Variants in ULK4 observed in about 807,000 individuals in gnomAD.
ULK4 encodes unc-51 like kinase 4.
In ULK4, 133 loss-of-function variants were observed where a neutral mutation model predicts 160.6. That is an observed-to-expected ratio of 0.83 (90% CI 0.72 to 0.96). The LOEUF (loss-of-function observed/expected upper bound fraction) is 0.96. Among genes scored for constraint, ULK4 ranks in the 40% least tolerant of loss-of-function variants. The pLI, the probability that ULK4 is intolerant of heterozygous loss-of-function variation, is 0.00. For missense variants in ULK4, 1,580 were observed against 1,499.5 expected, an observed-to-expected ratio of 1.05 and a Z score of -0.89; for synonymous variants, 534 against 539.8, an observed-to-expected ratio of 0.99 and a Z score of 0.15.
intron 32 of ULK4, among the ~76,000 whole-genome samples, chr3:41,544,097 T>C (rs145935364): frequency 6.6e-6 from 1 of 152,212 alleles, no homozygotes; most frequent in African/African-American, 2.4e-5. Flanking sequence ...CTTTTTGACA[T>C]GCTTTGTGAT....
intron 32 of ULK4, among the ~76,000 whole-genome samples, chr3:41,489,868 G>A (rs2084685149): frequency 6.6e-6 from 1 of 152,028 alleles, no homozygotes; most frequent in South Asian, 2.1e-4. Flanking sequence ...TACACACAGG[G>A]TATGACTAGG....
chr3:41,771,714 C>T (rs75502313), intron 21 of ULK4, among the ~76,000 whole-genome samples: 198 of 152,244 alleles, frequency 1.3e-3, no homozygotes, highest in African/African-American at 4.6e-3. Flanking sequence ...ACGACTGAAA[C>T]TTCCCCAGAG....
At chr3:41,452,396 G>A (rs1281247217) in intron 34 of ULK4, among the ~76,000 whole-genome samples, 1 of 152,194 alleles carries the variant, frequency 6.6e-6, no homozygotes, top group African/African-American at 2.4e-5. Context: ...TCCTCCAGGA[G>A]AGGAGATGGG....
At chr3:41,858,236 C>T (rs2042415939) in intron 17 of ULK4, among the ~76,000 whole-genome samples, 1 of 146,984 alleles carries the variant, frequency 6.8e-6, no homozygotes, top group East Asian at 2.0e-4. Context: ...CTGCAAGCCT[C>T]CACCACCCAG....
intron 34 of ULK4, among the ~76,000 whole-genome samples, chr3:41,423,310 G>A (rs541849056): frequency 9.9e-5 from 15 of 152,152 alleles, no homozygotes; most frequent in African/African-American, 2.9e-4. Context: ...CTTATGGTAC[G>A]TTTTCTAATT....
intron 27 of ULK4, chr3:41,687,979 C>T (rs951377937): frequency 2.0e-5 from 3 of 152,186 alleles, no homozygotes; most frequent in African/African-American, 4.8e-5. Context: ...GGGAGGTGGA[C>T]GCAAACATGA....
chr3:41,305,919 C>G (rs1165786233), intron 35 of ULK4, among the ~76,000 whole-genome samples: 1 of 149,668 alleles, frequency 6.7e-6, no homozygotes, highest in Non-Finnish European at 1.5e-5. Context: ...GCGACCCCGT[C>G]TGGGAGGTGA....
chr3:41,261,181 A>G lies in ULK4; in HGVS notation c.3679-11607T>C, dbSNP rs60911558. 2.5e-3 allele frequency among the ~76,000 whole-genome samples: 357 copies of G among 145,248 alleles called. 2 individuals are homozygous for G. Among genetic ancestry groups the G allele is most frequent in the East Asian group, 0.02 (100 of 5,022 alleles). On this transcript the variant is annotated intron_variant, in intron 35 of 36. Transcript: ENST00000301831. Reference sequence around the variant, plus strand: ...GATTCACTTTTACCTATAGGATTAAATAAGTAAAAAGCCTTGGAGTAAAAC... The same window carrying G: ...GATTCACTTTTACCTATAGGATTAAGTAAGTAAAAAGCCTTGGAGTAAAAC...
chr3:41,572,721 G>A (rs562128033), intron 31 of ULK4, among the ~76,000 whole-genome samples: 4 of 148,958 alleles, frequency 2.7e-5, no homozygotes, highest in Admixed American at 6.7e-5. Context: ...GGCCGAGATC[G>A]CGCCACTGCA....
rs563543377 is a variant in ULK4 at position 41,431,547 on chromosome 3, C to CATTTTTTTTTTTTTTTTTTTTTTTT, written c.3492+23949_3492+23950insAAAAAAAAAAAAAAAAAAAAAAAAT. Among the ~76,000 whole-genome samples the CATTTTTTTTTTTTTTTTTTTTTTTT allele has an allele frequency of 1.8e-4, 17 of 95,868 alleles. 2 individuals carry two copies. The highest frequency in any genetic ancestry group is 7.2e-4 in the African/African-American group (17 of 23,688). The allele number at this position is 95,868 out of a possible 152,430, so 62.9% of individuals were successfully genotyped here. On this transcript the variant is annotated intron_variant, in intron 34 of 36. Transcript: ENST00000301831. ...CCTGTGAGGTGTTGTAATTCCCTCC[C>CATTTTTTTTTTTTTTTTTTTTTTTT]TTTTTTTTTTTTTTTGATGTGGAAA...
At chr3:41,808,056 G>T (rs2040703926) in intron 19 of ULK4, among the ~76,000 whole-genome samples, 1 of 152,096 alleles carries the variant, frequency 6.6e-6, no homozygotes, top group African/African-American at 2.4e-5. Context: ...ACCCTACTTG[G>T]AGACCGCTGC....
intron 30 of ULK4, among the ~76,000 whole-genome samples, chr3:41,646,835 A>C (rs1463947452): frequency 6.6e-6 from 1 of 152,208 alleles, no homozygotes; most frequent in East Asian, 1.9e-4. Flanking sequence ...TACACCAATC[A>C]GATACAGATT....
chr3:41,839,314 T>C (rs2041845811), intron 17 of ULK4, among the ~76,000 whole-genome samples: 1 of 151,690 alleles, frequency 6.6e-6, no homozygotes, highest in Admixed American at 6.6e-5. Context: ...CACTCCAGCC[T>C]GGGCAACAGA....
At chr3:41,503,455 A>G (rs780162116) in intron 32 of ULK4, among the ~76,000 whole-genome samples, 4 of 152,150 alleles carry the variant, frequency 2.6e-5, no homozygotes, top group Non-Finnish European at 5.9e-5. Context: ...GATGTGTAAG[A>G]CACTTCACAT....
Position 41,862,406 on chromosome 3 carries a change from T to C in ULK4, c.1656+21468A>G, listed in dbSNP as rs1206717877. On this transcript the variant is annotated intron_variant, in intron 17 of 36. Coordinates refer to ENST00000301831, the MANE Select transcript of ULK4 (RefSeq NM_017886.4). The stretch of plus-strand genomic sequence containing the variant: ...CCAGGATTGGTCCCTCGTGCCTTAT[T>C]TATAAAGTTCATTGGTGAGGTCATG... Among the ~76,000 whole-genome samples the C allele has an allele frequency of 2.0e-5, 3 of 152,192 alleles. No homozygotes were observed. The East Asian group carries it at 5.8e-4, about 29-fold the overall frequency.
intron 20 of ULK4, among the ~76,000 whole-genome samples, chr3:41,795,151 T>C (rs2040266316): frequency 2.0e-5 from 3 of 152,204 alleles, no homozygotes. Context: ...GAGGAGGCAA[T>C]TGTCATTCCT....
At chr3:41,755,312 T>C (rs2038763538) in intron 21 of ULK4, among the ~76,000 whole-genome samples, 1 of 152,138 alleles carries the variant, frequency 6.6e-6, no homozygotes, top group Non-Finnish European at 1.5e-5. Context: ...CTCCAGTCCT[T>C]TTCTATTTGG....
At chr3:41,438,278 T>C (rs1044025283) in intron 34 of ULK4, among the ~76,000 whole-genome samples, 3 of 152,220 alleles carry the variant, frequency 2.0e-5, no homozygotes, top group Admixed American at 1.3e-4. Context: ...TCAGACCATA[T>C]AACTTTTTTT....
At chr3:41,721,483 TCAGCCTC>T (rs1364772524) in intron 22 of ULK4, among the ~76,000 whole-genome samples, 1 of 149,314 alleles carries the variant, frequency 6.7e-6, no homozygotes, top group Non-Finnish European at 1.5e-5. Flanking sequence ...TTCTCCTGCC[TCAGCCTC>T]CAGGGAAGCT....
Sources: gnomAD v4.1 joint callset for allele counts (sites outside exome capture counted in the v4.1 genomes callset) on GRCh38, gnomAD v4.1.1 for gene constraint, MANE v1.5 for transcripts, NCBI Gene and HGNC (gene_info 2026-07-23, HGNC 2026-07-21) for gene names.